CTCF: variants seen among roughly 807,000 people sequenced by gnomAD.
CTCF encodes the protein CCCTC-binding factor, also known as transcriptional repressor CTCF.
In CTCF, 7 loss-of-function variants were observed where a neutral mutation model predicts 72.3. The ratio of observed to expected loss-of-function variants is 0.10; its 90% confidence interval spans 0.06 to 0.18. The LOEUF (loss-of-function observed/expected upper bound fraction) is 0.18, where lower values mean the gene tolerates loss of function less well. Ranked by LOEUF, CTCF falls within the 10% of genes least tolerant of loss-of-function variation. CTCF has a pLI of 1.00. For synonymous variants in CTCF, 374 were observed against 315.8 expected, an observed-to-expected ratio of 1.18 and a Z score of -1.95; for missense variants, 516 against 949.1, an observed-to-expected ratio of 0.54 and a Z score of 6.00.
At chr16:67,621,410 AT>A (rs971734012) in intron 6 of CTCF, 31 bp from the exon 7 acceptor site, 6 of 1,496,808 alleles carry the variant, frequency 4.0e-6, no homozygotes, top group Non-Finnish European at 5.6e-6. Context: ...TATTCATTTC[AT>A]TTATGTGTTC....
intron 2 of CTCF, among the ~76,000 whole-genome samples, chr16:67,585,752 C>T (rs2051661066): frequency 6.6e-6 from 1 of 152,156 alleles, no homozygotes; most frequent in African/African-American, 2.4e-5. Flanking sequence ...TCTTCTATAA[C>T]AGAAGATATC....
intron 2 of CTCF, among the ~76,000 whole-genome samples, chr16:67,579,470 T>A (rs1376405823): frequency 1.3e-5 from 2 of 151,902 alleles, no homozygotes; most frequent in East Asian, 3.9e-4. Flanking sequence ...GCGATTCTCT[T>A]GTCTCAGCCT....
chr16:67,597,917 T>A (rs2051835814), intron 2 of CTCF, among the ~76,000 whole-genome samples: 2 of 152,188 alleles, frequency 1.3e-5, no homozygotes, highest in South Asian at 2.1e-4. Context: ...TGAGGTTTTT[T>A]AAATGCCTCC....
intron 2 of CTCF, among the ~76,000 whole-genome samples, chr16:67,584,407 C>T (rs1216716362): frequency 3.7e-5 from 5 of 134,590 alleles, no homozygotes; most frequent in Non-Finnish European, 7.6e-5. Flanking sequence ...GTGGCACGAT[C>T]TCGGCTCACC....
intron 10 of CTCF, among the ~76,000 whole-genome samples, chr16:67,631,498 C>T (rs2052364770): frequency 1.3e-5 from 2 of 151,888 alleles, no homozygotes; most frequent in African/African-American, 4.8e-5. Context: ...TGGGGTCCCA[C>T]TGTGTGGCTC....
intron 2 of CTCF, among the ~76,000 whole-genome samples, chr16:67,571,530 T>C (rs2051420052): frequency 6.6e-6 from 1 of 152,198 alleles, no homozygotes; most frequent in African/African-American, 2.4e-5. Flanking sequence ...CAGAGACTAT[T>C]CTCCGTTAAT....
At chr16:67,604,730 G>GTTTTTTTTTTTTTTTTTT (rs533827293) in intron 2 of CTCF, among the ~76,000 whole-genome samples, 7 of 123,742 alleles carry the variant, frequency 5.7e-5, no homozygotes, top group South Asian at 2.5e-4. Context: ...TTTCACCAGG[G>GTTTTTTTTTTTTTTTTTT]TTTTTTTTTT....
At chr16:67,637,137 A>G (rs1456178540) in intron 11 of CTCF, among the ~76,000 whole-genome samples, 4 of 152,176 alleles carry the variant, frequency 2.6e-5, no homozygotes, top group East Asian at 3.8e-4. Context: ...AAAACAACCA[A>G]AGTCACAGTC....
chr16:67,595,035 C>T (rs988131560), intron 2 of CTCF, among the ~76,000 whole-genome samples: 1 of 152,146 alleles, frequency 6.6e-6, no homozygotes. Flanking sequence ...GGAATGGGAA[C>T]AAACTGTACA....
intron 2 of CTCF, among the ~76,000 whole-genome samples, chr16:67,606,905 T>G (rs1381877212): frequency 1.3e-5 from 2 of 151,906 alleles, no homozygotes; most frequent in African/African-American, 4.8e-5. Context: ...TAGCTGGGAT[T>G]AGAGGCACAC....
At chr16:67,622,152 C>G (rs936213475) in intron 7 of CTCF, among the ~76,000 whole-genome samples, 4 of 152,030 alleles carry the variant, frequency 2.6e-5, no homozygotes, top group Admixed American at 1.3e-4. Flanking sequence ...GTCAGGCGAT[C>G]GAGACCATTC....
intron 2 of CTCF, among the ~76,000 whole-genome samples, chr16:67,607,002 G>A (rs915631709): frequency 2.5e-4 from 38 of 152,058 alleles, no homozygotes; most frequent in Admixed American, 4.6e-4. Flanking sequence ...GCCCTGGCTG[G>A]AGGGAGTACA....
chr16:67,584,337 C>CTTCTTTTTTTTTTTTTTT (rs1462998203), intron 2 of CTCF, among the ~76,000 whole-genome samples: 8 of 105,860 alleles, frequency 7.6e-5, no homozygotes, highest in African/African-American at 2.6e-4. Flanking sequence ...AAAAAGTCTT[C>CTTCTTTTTTTTTTTTTTT]TTTTTTTTTT....
Position 67,632,057 on chromosome 16 carries a change from G to C in CTCF, c.1837+2524G>C, listed in dbSNP as rs576848541. On this transcript the variant is annotated intron_variant, in intron 10 of 11. Coordinates refer to ENST00000264010, the MANE Select transcript of CTCF (RefSeq NM_006565.4). ...TCACTGCACTCCAGCCTGGGTAACA[G>C]AGCGAGACCCTGTCTCCAAAAAAAA... Among the ~76,000 whole-genome samples, 17 of 142,850 alleles carry C rather than the reference G, an allele frequency of 1.2e-4. No homozygotes were observed. The East Asian group carries it at 3.0e-3, about 25-fold the overall frequency. 93.7% of individuals were successfully genotyped at this position (142,850 alleles called of 152,430 possible). A position where few individuals can be genotyped will look rare whatever the true frequency, so the allele number is the denominator to read the frequency against.
chr16:67,610,694 G>T (rs1252399009), intron 2 of CTCF, 130 bp from the exon 3 acceptor site: 1 of 598,528 alleles, frequency 1.7e-6, no homozygotes, highest in Non-Finnish European at 2.6e-6. Flanking sequence ...CATGTCTGTT[G>T]TGTCTTTTTT....
intron 2 of CTCF, among the ~76,000 whole-genome samples, chr16:67,588,181 A>G (rs1172211046): frequency 6.6e-6 from 1 of 152,134 alleles, no homozygotes; most frequent in Non-Finnish European, 1.5e-5. Context: ...TTTAAAGCTC[A>G]CCAGAATAGG....
chr16:67,622,630 A>G (rs1369037945), intron 7 of CTCF, among the ~76,000 whole-genome samples: 3 of 146,558 alleles, frequency 2.0e-5, no homozygotes, highest in African/African-American at 7.5e-5. Context: ...GAGTTGGGCA[A>G]CCTACTCTTA....
intron 2 of CTCF, among the ~76,000 whole-genome samples, chr16:67,609,381 G>T (rs1416899191): frequency 6.6e-6 from 1 of 152,080 alleles, no homozygotes; most frequent in African/African-American, 2.4e-5. Flanking sequence ...TCCTTTACCA[G>T]TGTCTTCCCC....
intron 1 of CTCF, among the ~76,000 whole-genome samples, chr16:67,566,661 C>T (rs935199030): frequency 1.3e-4 from 20 of 151,652 alleles, no homozygotes; most frequent in Admixed American, 1.2e-3. Flanking sequence ...ACTGCAAGCT[C>T]TACCTCCCAG....
Sources: allele counts gnomAD v4.1 joint callset (sites outside exome capture counted in the v4.1 genomes callset), GRCh38; gene constraint gnomAD v4.1.1; transcripts MANE v1.5; gene names NCBI Gene and HGNC (gene_info 2026-07-23, HGNC 2026-07-21).